SOX30: variants seen among roughly 807,000 people sequenced by gnomAD.
SOX30 encodes transcription factor SOX-30.
A neutral mutation model predicts 58.6 loss-of-function variants in SOX30; 17 were observed. That is an observed-to-expected ratio of 0.29 (90% CI 0.20 to 0.44). SOX30 has a LOEUF of 0.44. SOX30 is among the 20% of genes least tolerant of loss of function. The probability of loss-of-function intolerance (pLI) is 1.00; values close to 1 mark genes in which losing one functional copy is unlikely to be tolerated. For synonymous variants in SOX30, 421 were observed against 400.2 expected (o/e 1.05, Z -0.62); for missense variants, 951 against 965.8 (o/e 0.98, Z 0.20).
At chr5:157,644,190 T>C (rs1427763272) in intron 3 of SOX30, among the ~76,000 whole-genome samples, 5 of 152,188 alleles carry the variant, frequency 3.3e-5, no homozygotes, top group Non-Finnish European at 7.3e-5. Flanking sequence ...AGACAGCGTC[T>C]TGCTATGTTG....
intron 1 of SOX30, among the ~76,000 whole-genome samples, chr5:157,669,013 G>C (rs193200749): frequency 6.6e-6 from 1 of 152,288 alleles, no homozygotes; most frequent in African/African-American, 2.4e-5. Context: ...TGGTGGGAAA[G>C]CATTTTGACA....
Position 157,626,159 on chromosome 5 carries a change from A to T in SOX30, c.*181T>A. On this transcript the variant is annotated 3_prime_UTR_variant, in exon 5 of 5. Coordinates refer to ENST00000265007, the MANE Select transcript of SOX30 (RefSeq NM_178424.2). ...AACTTAAATATTCCTACAATGAAAC[A>T]TCCAGACTCTAGTTTCACTAATCAA... 1 of 535,242 alleles carries T rather than the reference A, an allele frequency of 1.9e-6. No homozygotes were observed. Among genetic ancestry groups the T allele is most frequent in the Admixed American group, 3.7e-5 (1 of 27,348 alleles). The allele number at this position is 535,242 out of a possible 1,614,324, so 33.2% of individuals were successfully genotyped here.
chr5:157,630,521 C>G (rs1021880828), intron 4 of SOX30, among the ~76,000 whole-genome samples: 2 of 152,038 alleles, frequency 1.3e-5, no homozygotes, highest in Non-Finnish European at 2.9e-5. Context: ...AGACCGTATT[C>G]TTTGTTATGC....
Position 157,635,691 on chromosome 5 carries a change from G to A in SOX30, c.1880+2539C>T, listed in dbSNP as rs148604422. ...GCTTCCTTTTAAAATGTTCCTTAAA[G>A]TGTCAGATAATTTATACATTAACAG... is the stretch of plus-strand genomic sequence containing the variant. On this transcript the variant is annotated intron_variant, in intron 4 of 4. Coordinates refer to ENST00000265007, the MANE Select transcript of SOX30 (RefSeq NM_178424.2). 3.9e-3 allele frequency among the ~76,000 whole-genome samples: 592 copies of A among 151,828 alleles called. 1 individual carries two copies. The highest frequency in any genetic ancestry group is 0.014 in the African/African-American group (560 of 41,442).
chr5:157,654,826 T>C (rs1239787395), upstream of SOX30, among the ~76,000 whole-genome samples: 1 of 152,208 alleles, frequency 6.6e-6, no homozygotes, highest in East Asian at 1.9e-4. Flanking sequence ...GCCACTGCAA[T>C]GTCAGGAAGT....
chr5:157,648,165 G>T (rs187802829), intron 2 of SOX30, among the ~76,000 whole-genome samples: 1 of 152,282 alleles, frequency 6.6e-6, no homozygotes, highest in Non-Finnish European at 1.5e-5. Flanking sequence ...GGAGAAATCG[G>T]ACTCCTTTCA....
intron 3 of SOX30, among the ~76,000 whole-genome samples, chr5:157,643,541 AT>A (rs754104541): frequency 1.5e-4 from 23 of 152,164 alleles, no homozygotes; most frequent in Non-Finnish European, 3.1e-4. Context: ...GAAAATTAAC[AT>A]GACTTCCAGC....
At chr5:157,646,575 C>T in intron 3 of SOX30, 62 bp downstream of exon 3, 1 of 1,246,596 alleles carries the variant, frequency 8.0e-7, no homozygotes, top group Non-Finnish European at 1.1e-6. Context: ...ACACTTCAAA[C>T]TTGAGGTAAA....
At chr5:157,646,245 A>T (rs569795509) in intron 3 of SOX30, among the ~76,000 whole-genome samples, 1 of 152,340 alleles carries the variant, frequency 6.6e-6, no homozygotes, top group East Asian at 1.9e-4. Flanking sequence ...TGGTCTCAAC[A>T]AATCAGTATC....
At chr5:157,627,527 G>A (rs1758687260) in intron 4 of SOX30, among the ~76,000 whole-genome samples, 1 of 152,156 alleles carries the variant, frequency 6.6e-6, no homozygotes. Flanking sequence ...CACTGGAACA[G>A]AAGACAAGTT....
At chr5:157,627,359 C>T (rs532169940) in intron 4 of SOX30, among the ~76,000 whole-genome samples, 2 of 152,030 alleles carry the variant, frequency 1.3e-5, no homozygotes, top group African/African-American at 4.8e-5. Flanking sequence ...GAGACTCCGC[C>T]TCCAAAAAAA....
At chr5:157,654,703 C>T (rs77615824), upstream of SOX30, among the ~76,000 whole-genome samples, 292 of 152,242 alleles carry the variant, frequency 1.9e-3, 12 homozygotes, top group East Asian at 0.048. Context: ...GCTGATAAAA[C>T]GGGTTGCAAT....
At chr5:157,665,053 A>C (rs1045798869) in intron 2 of SOX30, among the ~76,000 whole-genome samples, 1 of 152,350 alleles carries the variant, frequency 6.6e-6, no homozygotes, top group South Asian at 2.1e-4. Context: ...TTCCTCAAGG[A>C]TCTAGAACTA....
At chr5:157,667,507 C>T (rs182259878) in intron 2 of SOX30, among the ~76,000 whole-genome samples, 64 of 152,158 alleles carry the variant, frequency 4.2e-4, no homozygotes, top group African/African-American at 9.6e-4. Flanking sequence ...CCAAGGCGGA[C>T]GGAATCACCT....
chr5:157,667,734 A>G (rs1759698305), intron 2 of SOX30: 1 of 1,514,310 alleles, frequency 6.6e-7, no homozygotes, highest in South Asian at 1.2e-5. Flanking sequence ...GCGAGACTCC[A>G]TCTCAGAATA....
At chr5:157,663,488 C>A (rs1018299019) in intron 2 of SOX30, among the ~76,000 whole-genome samples, 6 of 152,134 alleles carry the variant, frequency 3.9e-5, no homozygotes, top group African/African-American at 1.4e-4. Flanking sequence ...AAACCCACAG[C>A]CAATATCATA....
At chr5:157,668,316 A>G (rs913806148) in intron 1 of SOX30, among the ~76,000 whole-genome samples, 3 of 152,176 alleles carry the variant, frequency 2.0e-5, no homozygotes, top group African/African-American at 7.2e-5. Flanking sequence ...AGGGGCAGTG[A>G]TTTCAGAATG....
In SOX30 at chr5:157,626,699, G is replaced by C; in HGVS notation, c.1903C>G (p.Pro635Ala). The C allele has an allele frequency of 6.2e-7, 1 of 1,610,294 alleles. No homozygotes were observed. Residue 635 changes from proline (P) to alanine (A), a missense_variant, in exon 5 of 5, where the codon CCC becomes GCC. Coordinates refer to ENST00000265007, the MANE Select transcript of SOX30 (RefSeq NM_178424.2). ...PSSTCPYSRP[P>A]FGYGNFPSSM... Reference sequence around the variant, plus strand: ...CTCGGAAAATTTCCATAGCCAAAGGGAGGCCGACTGTAAGGGCATGTACTG... The same window carrying C: ...CTCGGAAAATTTCCATAGCCAAAGGCAGGCCGACTGTAAGGGCATGTACTG...
At chr5:157,634,422 G>T (rs1339074534) in intron 4 of SOX30, among the ~76,000 whole-genome samples, 5 of 152,004 alleles carry the variant, frequency 3.3e-5, no homozygotes, top group Non-Finnish European at 5.9e-5. Flanking sequence ...TCACTAAATT[G>T]CCCAGGCTGG....
Sources: allele counts gnomAD v4.1 joint callset (sites outside exome capture counted in the v4.1 genomes callset), GRCh38; gene constraint gnomAD v4.1.1; transcripts MANE v1.5; gene names NCBI Gene and HGNC (gene_info 2026-07-23, HGNC 2026-07-21).